The following CHIC2 variants were observed in gnomAD, a reference collection of about 807,000 sequenced individuals.
CHIC2 encodes cysteine-rich hydrophobic domain-containing protein 2.
Under a neutral mutation model 25.9 loss-of-function variants are expected in CHIC2, and 14 were observed. That is an observed-to-expected ratio of 0.54 (90% CI 0.36 to 0.85). CHIC2 has a LOEUF of 0.85. CHIC2 is among the 40% of genes least tolerant of loss of function. CHIC2 has a pLI of 0.01. For missense variants in CHIC2, 146 were observed against 202.0 expected (o/e 0.72, Z 1.68); for synonymous variants, 70 against 72.0 (o/e 0.97, Z 0.14).
the CHIC2 span, among the ~76,000 whole-genome samples, chr4:54,084,983 C>CAAAAAAAAAAAAAAAAAAAA: frequency 3.0e-4 from 32 of 106,738 alleles, no homozygotes; most frequent in Admixed American, 6.3e-4. Flanking sequence ...AAAAAAAAAT[C>CAAAAAAAAAAAAAAAAAAAA]AAACAGGTAG....
chr4:54,060,835 G>A (rs1408779012), intron 1 of CHIC2: 6 of 151,998 alleles, frequency 3.9e-5, no homozygotes, highest in Non-Finnish European at 7.4e-5. Context: ...AAGTCACCAT[G>A]AAAGCAAAAA....
At chr4:54,038,373 T>C (rs1259394842) in intron 3 of CHIC2, among the ~76,000 whole-genome samples, 7 of 152,060 alleles carry the variant, frequency 4.6e-5, no homozygotes, top group South Asian at 2.1e-4. Flanking sequence ...CCATTTACAA[T>C]AGCGCCAAAC....
chr4:54,029,801 T>C (rs1443110778), intron 3 of CHIC2, among the ~76,000 whole-genome samples: 1 of 152,228 alleles, frequency 6.6e-6, no homozygotes, highest in Admixed American at 6.5e-5. Flanking sequence ...TGAATAAGGA[T>C]ATTTTATATT....
At chr4:54,085,103 A>G in the CHIC2 span, among the ~76,000 whole-genome samples, 4 of 152,226 alleles carry the variant, frequency 2.6e-5, no homozygotes, top group African/African-American at 7.2e-5. Context: ...CACATAAAAA[A>G]GTAACAATTT....
At chr4:54,019,847 AG>A (rs1339158104) in intron 3 of CHIC2, among the ~76,000 whole-genome samples, 2 of 152,082 alleles carry the variant, frequency 1.3e-5, no homozygotes, top group Non-Finnish European at 2.9e-5. Flanking sequence ...GGCAGGGTGC[AG>A]GAAGGGTCTC....
At chr4:54,082,265 G>A in the CHIC2 span, among the ~76,000 whole-genome samples, 1 of 152,220 alleles carries the variant, frequency 6.6e-6, no homozygotes, top group East Asian at 1.9e-4. Flanking sequence ...AAGTCCTTCA[G>A]GAAACACAAA....
At chr4:54,069,930 C>T in the CHIC2 span, among the ~76,000 whole-genome samples, 1 of 152,142 alleles carries the variant, frequency 6.6e-6, no homozygotes, top group African/African-American at 2.4e-5. Context: ...GCATGAAGTC[C>T]ACTGGGGAGG....
intron 3 of CHIC2, among the ~76,000 whole-genome samples, chr4:54,043,347 G>A (rs1716651025): frequency 6.6e-6 from 1 of 151,564 alleles, no homozygotes; most frequent in South Asian, 2.1e-4. Flanking sequence ...CGTGAACACG[G>A]GAGGTGGAGC....
chr4:54,046,124 C>G (rs909521764), intron 3 of CHIC2, among the ~76,000 whole-genome samples: 28 of 152,158 alleles, frequency 1.8e-4, no homozygotes, highest in Non-Finnish European at 5.9e-5. Context: ...AGGAGAACTA[C>G]AAACCACTGC....
chr4:54,083,018 CTTTTTTTTTTT>C, the CHIC2 span, among the ~76,000 whole-genome samples: 39 of 67,908 alleles, frequency 5.7e-4, no homozygotes, highest in African/African-American at 1.7e-3. Context: ...TTCTTTCTTT[CTTTTTTTTTTT>C]TTTTTTTTTT....
upstream of CHIC2, among the ~76,000 whole-genome samples, chr4:54,069,025 A>AC (rs1717569074): frequency 6.6e-6 from 1 of 152,210 alleles, no homozygotes; most frequent in South Asian, 2.1e-4. Context: ...AGACAGAGGT[A>AC]CAATCACCAT....
At chr4:54,016,908 A>AG (rs1715756228) in intron 3 of CHIC2, among the ~76,000 whole-genome samples, 1 of 144,780 alleles carries the variant, frequency 6.9e-6, no homozygotes, top group Non-Finnish European at 1.5e-5. Flanking sequence ...CAAATTAAAT[A>AG]GAAAAAAAAA....
chr4:54,020,074 C>T (rs532712599), intron 3 of CHIC2, among the ~76,000 whole-genome samples: 1 of 152,150 alleles, frequency 6.6e-6, no homozygotes, highest in African/African-American at 2.4e-5. Context: ...AGAATCAGTG[C>T]TTACTGTCAG....
At chr4:54,074,578 T>C in the CHIC2 span, among the ~76,000 whole-genome samples, 813 of 146,620 alleles carry the variant, frequency 5.5e-3, 15 homozygotes, top group African/African-American at 0.02. Context: ...CCCACTGCCA[T>C]CTCCACCTAC....
At chr4:54,022,119 C>A (rs1383785561) in intron 3 of CHIC2, among the ~76,000 whole-genome samples, 1 of 152,154 alleles carries the variant, frequency 6.6e-6, no homozygotes, top group Non-Finnish European at 1.5e-5. Context: ...GAATGCCCTG[C>A]AGCCCGGGAT....
intron 3 of CHIC2, among the ~76,000 whole-genome samples, chr4:54,022,579 A>G (rs1365908788): frequency 1.3e-5 from 2 of 152,040 alleles, no homozygotes; most frequent in African/African-American, 4.8e-5. Context: ...AGACATTTTA[A>G]CTAAATTATC....
intron 1 of CHIC2, among the ~76,000 whole-genome samples, chr4:54,057,481 C>G (rs1717212100): frequency 3.3e-5 from 5 of 152,148 alleles, no homozygotes; most frequent in Admixed American, 3.3e-4. Flanking sequence ...GGGCTCCTGA[C>G]AGGACTCTCA....
intron 3 of CHIC2, among the ~76,000 whole-genome samples, chr4:54,038,347 A>G (rs768663723): frequency 6.6e-6 from 1 of 152,202 alleles, no homozygotes; most frequent in Non-Finnish European, 1.5e-5. Flanking sequence ...TGGAAATCAA[A>G]ATTTAAAAAA....
At chr4:54,014,168 CT>C in intron 3 of CHIC2, 49 bp from the exon 4 acceptor site, 1 of 1,563,054 alleles carries the variant, frequency 6.4e-7, no homozygotes, top group East Asian at 2.3e-5. Context: ...TTTTAGAAAA[CT>C]TTGTTTTGCA....
Sources: gnomAD v4.1 joint callset for allele counts (sites outside exome capture counted in the v4.1 genomes callset) on GRCh38, gnomAD v4.1.1 for gene constraint, MANE v1.5 for transcripts, NCBI Gene and HGNC (gene_info 2026-07-23, HGNC 2026-07-21) for gene names.